ZZZ3: variants seen among roughly 807,000 people sequenced by gnomAD.
ZZZ3 encodes ZZ-type zinc finger-containing protein 3.
Under a neutral mutation model 95.2 loss-of-function variants are expected in ZZZ3, and 22 were observed. That is an observed-to-expected ratio of 0.23 (90% CI 0.17 to 0.33). The LOEUF is 0.33. ZZZ3 is among the 10% of genes least tolerant of loss of function. The pLI is 1.00. For synonymous variants in ZZZ3, 335 were observed against 358.9 expected (o/e 0.93, Z 0.75); for missense variants, 885 against 1,066.5 (o/e 0.83, Z 2.37).
At chr1:77,577,644 G>T (rs1662093671) in intron 11 of ZZZ3, among the ~76,000 whole-genome samples, 2 of 152,158 alleles carry the variant, frequency 1.3e-5, no homozygotes, top group African/African-American at 4.8e-5. Context: ...TTCTCTTTAT[G>T]AGAAAGATGT....
chr1:77,610,810 A>G (rs1665720673), intron 5 of ZZZ3, among the ~76,000 whole-genome samples: 2 of 151,796 alleles, frequency 1.3e-5, no homozygotes, highest in Non-Finnish European at 2.9e-5. Context: ...GAAGGAATGT[A>G]CCTCAACACC....
At position 77,632,308 on chromosome 1, in the gene ZZZ3, G is replaced by A. The variant is rs146140872; in HGVS notation, c.1047C>T (p.Ser349=). 36 of 1,613,996 alleles carry A rather than the reference G, an allele frequency of 2.2e-5. No homozygotes were observed. The highest frequency in any genetic ancestry group is 4.4e-5 in the South Asian group (4 of 91,074). ...LDTSLESMPA[S]GEPEPSPVLD... ...GAACAGGAGATGGTTCAGGTTCTCC[G>A]GAGGCTGGCATACTCTCAAGACTTG... Residue 349 remains serine (S), a synonymous_variant, in exon 5 of 15, where the codon TCC becomes TCT. Coordinates refer to ENST00000370801, the MANE Select transcript of ZZZ3 (RefSeq NM_015534.6).
intron 1 of ZZZ3, among the ~76,000 whole-genome samples, chr1:77,679,314 A>C (rs989721760): frequency 9.2e-5 from 14 of 152,058 alleles, no homozygotes; most frequent in African/African-American, 3.4e-4. Context: ...TTTTTATTTT[A>C]TTTTTGACAC....
Position 77,639,528 on chromosome 1 carries a change from A to G in ZZZ3, c.-131T>C, listed in dbSNP as rs1668583629. Reference sequence around the variant, plus strand: ...TGAAGGAGTTGGAGCTATGATCTAGAATGGAGCTTAAGCATCAGGGTTTCA... The same window carrying G: ...TGAAGGAGTTGGAGCTATGATCTAGGATGGAGCTTAAGCATCAGGGTTTCA... On this transcript the variant is annotated 5_prime_UTR_variant, in exon 4 of 15. Coordinates refer to ENST00000370801, the MANE Select transcript of ZZZ3 (RefSeq NM_015534.6). The G allele has an allele frequency of 2.9e-6, 4 of 1,377,300 alleles. No individual in the cohort carries two copies. The highest frequency in any genetic ancestry group is 3.9e-6 in the Non-Finnish European group (4 of 1,035,804). 85.3% of individuals were successfully genotyped at this position (1,377,300 alleles called of 1,614,324 possible).
chr1:77,574,891 A>C lies in ZZZ3; in HGVS notation c.2331+1177T>G, dbSNP rs371748123. Among the ~76,000 whole-genome samples the C allele has an allele frequency of 3.9e-5, 6 of 152,362 alleles. 1 individual carries two copies. Among genetic ancestry groups the C allele is most frequent in the African/African-American group, 1.4e-4 (6 of 41,588 alleles). On this transcript the variant is annotated intron_variant, in intron 12 of 14. Coordinates refer to ENST00000370801, the MANE Select transcript of ZZZ3 (RefSeq NM_015534.6). ...TGAGAAAATGAACTCATTATTTTAA[A>C]AACCAGAAAACAGGCCAGGCATGGT... is the stretch of plus-strand genomic sequence containing the variant.
chr1:77,638,001 A>T (rs1299689514), intron 4 of ZZZ3, among the ~76,000 whole-genome samples: 1 of 152,252 alleles, frequency 6.6e-6, no homozygotes, highest in African/African-American at 2.4e-5. Context: ...ATTAATTAAC[A>T]TATTCATATG....
intron 1 of ZZZ3, among the ~76,000 whole-genome samples, chr1:77,680,106 T>C (rs1672614856): frequency 6.6e-6 from 1 of 152,196 alleles, no homozygotes; most frequent in Non-Finnish European, 1.5e-5. Context: ...CTAAAAATAA[T>C]AATAAAACGT....
intron 5 of ZZZ3, among the ~76,000 whole-genome samples, chr1:77,596,333 C>A (rs1368293450): frequency 6.6e-6 from 1 of 152,018 alleles, no homozygotes; most frequent in African/African-American, 2.4e-5. Flanking sequence ...ACAATAAAAA[C>A]ATCAGTAGTT....
At chr1:77,680,334 C>T (rs1005555702) in intron 1 of ZZZ3, among the ~76,000 whole-genome samples, 7 of 152,226 alleles carry the variant, frequency 4.6e-5, no homozygotes, top group African/African-American at 1.7e-4. Context: ...ACTATTCTTG[C>T]ACCATGGCTC....
intron 1 of ZZZ3, among the ~76,000 whole-genome samples, chr1:77,678,043 A>T (rs1365643204): frequency 6.6e-6 from 1 of 152,184 alleles, no homozygotes; most frequent in African/African-American, 2.4e-5. Context: ...CCAGCAATGC[A>T]ATGAAAAAAA....
At chr1:77,664,459 T>C (rs969490484) in intron 1 of ZZZ3, among the ~76,000 whole-genome samples, 3 of 152,232 alleles carry the variant, frequency 2.0e-5, no homozygotes, top group Admixed American at 6.5e-5. Context: ...TATTCCCCAT[T>C]CAATTATAGG....
intron 1 of ZZZ3, among the ~76,000 whole-genome samples, chr1:77,672,264 A>G (rs1021460223): frequency 6.6e-6 from 1 of 152,172 alleles, no homozygotes; most frequent in African/African-American, 2.4e-5. Flanking sequence ...ATAAAGTTAC[A>G]AGGATGGTTG....
At chr1:77,588,687 G>A (rs2100598962) in intron 5 of ZZZ3, among the ~76,000 whole-genome samples, 1 of 151,964 alleles carries the variant, frequency 6.6e-6, no homozygotes, top group East Asian at 1.9e-4. Flanking sequence ...GCTACTCACT[G>A]AACCAAGCAA....
chr1:77,611,924 T>G (rs1282299480), intron 5 of ZZZ3, among the ~76,000 whole-genome samples: 1 of 152,042 alleles, frequency 6.6e-6, no homozygotes, highest in Non-Finnish European at 1.5e-5. Context: ...TGGCAATGAT[T>G]TTTTGGGTAA....
At chr1:77,642,059 TA>T (rs556648715) in intron 1 of ZZZ3, among the ~76,000 whole-genome samples, 19 of 151,850 alleles carry the variant, frequency 1.3e-4, no homozygotes, top group Non-Finnish European at 1.8e-4. Flanking sequence ...AAAAATGAAG[TA>T]AAAAAAAGAT....
At chr1:77,569,269 G>A (rs567592136) in intron 12 of ZZZ3, among the ~76,000 whole-genome samples, 2 of 152,076 alleles carry the variant, frequency 1.3e-5, no homozygotes, top group South Asian at 2.1e-4. Context: ...CCTGGGAGGC[G>A]GAGGTTGCAG....
chr1:77,645,943 C>T (rs1408564454), intron 1 of ZZZ3, among the ~76,000 whole-genome samples: 1 of 150,188 alleles, frequency 6.7e-6, no homozygotes, highest in African/African-American at 2.5e-5. Flanking sequence ...TGCACTTCAG[C>T]CTGGGCAACA....
chr1:77,630,965 A>G (rs1289652309), intron 5 of ZZZ3, among the ~76,000 whole-genome samples: 1 of 152,230 alleles, frequency 6.6e-6, no homozygotes, highest in East Asian at 1.9e-4. Flanking sequence ...CCCTGTAGCA[A>G]TAAAGGTAAT....
intron 3 of ZZZ3, chr1:77,641,100 G>A (rs1028784926): frequency 2.0e-5 from 3 of 153,046 alleles, no homozygotes; most frequent in African/African-American, 4.8e-5. Flanking sequence ...CAGACTCCAA[G>A]TGACAACTCC....
Sources: gnomAD v4.1 joint callset for allele counts (sites outside exome capture counted in the v4.1 genomes callset) on GRCh38, gnomAD v4.1.1 for gene constraint, MANE v1.5 for transcripts, NCBI Gene and HGNC (gene_info 2026-07-23, HGNC 2026-07-21) for gene names.